Variants in RBFOX1 observed in about 807,000 individuals in gnomAD.
RBFOX1 encodes RNA binding protein fox-1 homolog 1.
A neutral mutation model predicts 57.7 loss-of-function variants in RBFOX1; 8 were observed. The observed-to-expected ratio is 0.14, with a 90% CI of 0.08 to 0.25. The LOEUF is 0.25. Ranked by LOEUF, RBFOX1 falls within the 10% of genes least tolerant of loss-of-function variation. The pLI is 1.00. For synonymous variants in RBFOX1, 326 were observed against 222.4 expected (o/e 1.47, Z -4.15); for missense variants, 611 against 548.5 (o/e 1.11, Z -1.14).
At chr16:6,852,721 T>C (rs8062299) in intron 3 of RBFOX1, among the ~76,000 whole-genome samples, 114,243 of 148,460 alleles carry the variant, frequency 0.77, 44,728 homozygotes, top group African/African-American at 0.92. Flanking sequence ...CAGCGAGGCG[T>C]GGGCTGGGAA....
intron 1 of RBFOX1, among the ~76,000 whole-genome samples, chr16:5,433,359 C>G (rs1332296841): frequency 1.3e-5 from 2 of 152,304 alleles, no homozygotes; most frequent in East Asian, 1.9e-4. Flanking sequence ...TCTTTTCGCT[C>G]CTGGCTGGGG....
At chr16:5,559,821 C>A (rs570250890) in intron 2 of RBFOX1, among the ~76,000 whole-genome samples, 1 of 152,286 alleles carries the variant, frequency 6.6e-6, no homozygotes, top group Non-Finnish European at 1.5e-5. Context: ...CCAGGATGTG[C>A]ACGGACTAGC....
intron 5 of RBFOX1, among the ~76,000 whole-genome samples, chr16:7,525,102 C>T (rs1418714190): frequency 6.6e-6 from 1 of 152,172 alleles, no homozygotes; most frequent in African/African-American, 2.4e-5. Context: ...CATATGCCTG[C>T]TTGTCCTCTA....
intron 3 of RBFOX1, among the ~76,000 whole-genome samples, chr16:6,669,025 C>G (rs531973904): frequency 1.2e-4 from 18 of 152,212 alleles, no homozygotes; most frequent in Non-Finnish European, 2.2e-4. Context: ...TATCCCACTT[C>G]TTGATGTGTG....
chr16:6,872,906 C>G (rs2061190782), intron 3 of RBFOX1, among the ~76,000 whole-genome samples: 1 of 152,106 alleles, frequency 6.6e-6, no homozygotes, highest in South Asian at 2.1e-4. Flanking sequence ...GGAAGAAAGC[C>G]ATACTTCTCA....
chr16:5,922,098 C>A (rs2058836254), intron 4 of RBFOX1, among the ~76,000 whole-genome samples: 1 of 152,116 alleles, frequency 6.6e-6, no homozygotes, highest in African/African-American at 2.4e-5. Context: ...GAGGTCGAGG[C>A]TGCAGTGAGC....
At chr16:5,844,675 CTCTTG>C (rs1246762536) in intron 3 of RBFOX1, among the ~76,000 whole-genome samples, 2 of 152,188 alleles carry the variant, frequency 1.3e-5, no homozygotes, top group Non-Finnish European at 2.9e-5. Context: ...TATTACTGTT[CTCTTG>C]TCTTTTCTCT....
intron 3 of RBFOX1, among the ~76,000 whole-genome samples, chr16:6,785,189 A>G (rs936232784): frequency 6.6e-6 from 1 of 152,172 alleles, no homozygotes; most frequent in Non-Finnish European, 1.5e-5. Context: ...TCTGCTCTGG[A>G]GAAAAAAAAT....
chr16:7,017,955 G>T (rs963524193), intron 3 of RBFOX1, among the ~76,000 whole-genome samples: 3 of 152,178 alleles, frequency 2.0e-5, no homozygotes, highest in African/African-American at 7.2e-5. Flanking sequence ...TGTGAATTAG[G>T]TGTGCCCCCT....
At chr16:5,801,812 A>T (rs1013483987) in intron 3 of RBFOX1, among the ~76,000 whole-genome samples, 2 of 152,184 alleles carry the variant, frequency 1.3e-5, no homozygotes, top group African/African-American at 2.4e-5. Flanking sequence ...CCGGGTGCCA[A>T]AATTATCGCC....
intron 4 of RBFOX1, among the ~76,000 whole-genome samples, chr16:7,428,492 ATTTTATTAT>A (rs1265220016): frequency 1.3e-4 from 15 of 112,086 alleles, no homozygotes; most frequent in African/African-American, 5.1e-4. Context: ...ACTCCTGGCT[ATTTTATTAT>A]TATTATTATT....
At chr16:5,452,888 T>G (rs996384647) in intron 1 of RBFOX1, among the ~76,000 whole-genome samples, 3 of 152,134 alleles carry the variant, frequency 2.0e-5, no homozygotes, top group African/African-American at 7.2e-5. Flanking sequence ...CTGCTCGGCT[T>G]CCCAAAGTGC....
At chr16:7,062,317 C>CAAAAAAAA (rs57989614) in intron 4 of RBFOX1, among the ~76,000 whole-genome samples, 22 of 65,306 alleles carry the variant, frequency 3.4e-4, no homozygotes, top group African/African-American at 1.2e-3. Flanking sequence ...GACTCCATCT[C>CAAAAAAAA]AAAAAAAAAA....
At chr16:6,814,625 C>A (rs765884100) in intron 3 of RBFOX1, among the ~76,000 whole-genome samples, 1 of 152,102 alleles carries the variant, frequency 6.6e-6, no homozygotes, top group African/African-American at 2.4e-5. Context: ...AAGGACAGAG[C>A]TGAATGACAG....
intron 1 of RBFOX1, among the ~76,000 whole-genome samples, chr16:5,279,577 C>T (rs1468981549): frequency 6.6e-6 from 1 of 152,176 alleles, no homozygotes; most frequent in African/African-American, 2.4e-5. Context: ...TCTTGGCTCA[C>T]TGCAACCTCC....
At chr16:7,016,756 G>T (rs1393003878) in intron 3 of RBFOX1, among the ~76,000 whole-genome samples, 1 of 152,124 alleles carries the variant, frequency 6.6e-6, no homozygotes, top group East Asian at 1.9e-4. Flanking sequence ...CTACTTCACT[G>T]GGCCGTTTTA....
At chr16:6,880,470 C>T (rs114857040) in intron 3 of RBFOX1, among the ~76,000 whole-genome samples, 1,730 of 152,226 alleles carry the variant, frequency 0.011, 40 homozygotes, top group African/African-American at 0.039. Context: ...GTCATTGGTC[C>T]AAGGTGGACA....
At chr16:5,765,887 C>T (rs1438166364) in intron 3 of RBFOX1, among the ~76,000 whole-genome samples, 1 of 152,160 alleles carries the variant, frequency 6.6e-6, no homozygotes, top group East Asian at 1.9e-4. Flanking sequence ...GAAAAGACAA[C>T]CTTGGTTGTC....
intron 3 of RBFOX1, among the ~76,000 whole-genome samples, chr16:6,681,402 A>T (rs956495490): frequency 1.3e-5 from 2 of 152,226 alleles, no homozygotes; most frequent in African/African-American, 2.4e-5. Flanking sequence ...CTTGGTAGCA[A>T]ATTTTTATCA....
Sources: gnomAD v4.1 joint callset for allele counts (sites outside exome capture counted in the v4.1 genomes callset) on GRCh38, gnomAD v4.1.1 for gene constraint, MANE v1.5 for transcripts, NCBI Gene and HGNC (gene_info 2026-07-23, HGNC 2026-07-21) for gene names.